USH2A: variants seen among roughly 807,000 people sequenced by gnomAD.
USH2A encodes the protein Usher syndrome 2A (autosomal recessive, mild).
USH2A carries 443 observed loss-of-function variants against 538.9 expected under a neutral mutation model. The observed-to-expected ratio is 0.82, with a 90% confidence interval of 0.76 to 0.89. USH2A has a LOEUF of 0.89. Among genes scored for constraint, USH2A ranks in the 40% least tolerant of loss-of-function variants. The pLI, the probability that USH2A is intolerant of heterozygous loss-of-function variation, is 0.00. For synonymous variants in USH2A, 2,413 were observed against 2,273.5 expected (o/e 1.06, Z -1.75); for missense variants, 6,633 against 6,324.8 (o/e 1.05, Z -1.65).
chr1:215,791,741 AG>A (rs1274134725), intron 50 of USH2A, among the ~76,000 whole-genome samples: 3 of 152,200 alleles, frequency 2.0e-5, no homozygotes, highest in African/African-American at 7.2e-5. Flanking sequence ...GGCTCATTTT[AG>A]TCTGAGTCTG....
At chr1:215,638,571 A>G (rs1656572861) in intron 69 of USH2A, among the ~76,000 whole-genome samples, 1 of 142,432 alleles carries the variant, frequency 7.0e-6, no homozygotes, top group Non-Finnish European at 1.5e-5. Context: ...GTGAGCTGAG[A>G]TTGCACCACT....
Position 215,774,585 on chromosome 1 carries a change from C to T in USH2A, c.10939+5258G>A, listed in dbSNP as rs569137056. Reference sequence around the variant, plus strand: ...TTCCTCTTTCAAGTTCAGTGTTATGCTAGACTGAGGATTCTTCTCTGCATT... The same window carrying T: ...TTCCTCTTTCAAGTTCAGTGTTATGTTAGACTGAGGATTCTTCTCTGCATT... On this transcript the variant is annotated intron_variant, in intron 55 of 71. Coordinates refer to ENST00000307340, the MANE Select transcript of USH2A (RefSeq NM_206933.4). Among the ~76,000 whole-genome samples the T allele has an allele frequency of 7.2e-5, 11 of 151,798 alleles. No homozygotes were observed. The South Asian group carries it at 2.3e-3, about 32-fold the overall frequency.
intron 64 of USH2A, among the ~76,000 whole-genome samples, chr1:215,665,383 T>A (rs1402459883): frequency 1.3e-5 from 2 of 152,126 alleles, no homozygotes; most frequent in Non-Finnish European, 2.9e-5. Context: ...ACCCTGAGTG[T>A]GCGTGGGTGC....
chr1:216,371,028 A>G lies in USH2A; in HGVS notation c.652-5943T>C, dbSNP rs2038704772. On this transcript the variant is annotated intron_variant, in intron 3 of 71. Transcript: ENST00000307340. ...TGGTGTTGTCCCCACTTTGCAAAGG[A>G]GGACACTCAGGCTAAACTGTGCTAG... Among the ~76,000 whole-genome samples the G allele has an allele frequency of 2.6e-5, 4 of 152,192 alleles. No homozygotes were observed. In the South Asian group the frequency reaches 8.3e-4, roughly 32 times the overall value.
intron 3 of USH2A, among the ~76,000 whole-genome samples, chr1:216,391,154 A>G (rs925219430): frequency 1.3e-5 from 2 of 152,190 alleles, no homozygotes; most frequent in Non-Finnish European, 2.9e-5. Context: ...GCAAGTGAAT[A>G]TGCTTAAGCT....
intron 21 of USH2A, 96 bp from the exon 22 acceptor site, chr1:216,097,309 T>C (rs2032464155): frequency 1.3e-6 from 2 of 1,598,034 alleles, no homozygotes; most frequent in Non-Finnish European, 1.7e-6. Flanking sequence ...TATGATGTAG[T>C]GAGTACAGTC....
intron 36 of USH2A, among the ~76,000 whole-genome samples, chr1:215,965,756 GTACATATCCATAGACCAATTC>G (rs952066566): frequency 4.9e-4 from 75 of 152,208 alleles, no homozygotes; most frequent in African/African-American, 1.7e-3. Flanking sequence ...GCCTATGGCT[GTACATATCCATAGACCAATTC>G]TAGGACTGCT....
At chr1:215,983,102 C>A (rs765196316) in intron 35 of USH2A, among the ~76,000 whole-genome samples, 1 of 152,118 alleles carries the variant, frequency 6.6e-6, no homozygotes, top group African/African-American at 2.4e-5. Context: ...AGGCACCTGC[C>A]ACCATGCCCA....
intron 61 of USH2A, among the ~76,000 whole-genome samples, chr1:215,705,335 A>G (rs1659154878): frequency 1.3e-5 from 2 of 152,152 alleles, no homozygotes; most frequent in African/African-American, 4.8e-5. Flanking sequence ...TTTTATTTTA[A>G]TGCCAAATCA....
intron 30 of USH2A, among the ~76,000 whole-genome samples, chr1:216,054,666 C>T (rs1425862709): frequency 6.6e-6 from 1 of 151,944 alleles, no homozygotes. Context: ...CTCCCTCCCC[C>T]ACCCCACCCC....
At chr1:215,814,924 C>A (rs1005802010) in intron 48 of USH2A, among the ~76,000 whole-genome samples, 1 of 152,118 alleles carries the variant, frequency 6.6e-6, no homozygotes, top group South Asian at 2.1e-4. Context: ...CCAGGTCTTA[C>A]GTTCACTGGG....
chr1:216,151,610 T>C (rs1031224594), intron 21 of USH2A, among the ~76,000 whole-genome samples: 2 of 152,168 alleles, frequency 1.3e-5, no homozygotes, highest in Non-Finnish European at 2.9e-5. Context: ...TCACAAACTT[T>C]ATCAGTCCTC....
rs1234105643 is a variant in USH2A, at chr1:216,253,063, T to C, written c.1972-1965A>G. On this transcript the variant is annotated intron_variant, in intron 11 of 71. Coordinates refer to ENST00000307340, the MANE Select transcript of USH2A (RefSeq NM_206933.4). The stretch of plus-strand genomic sequence containing the variant: ...AATCTTAAACATTACATGTAAACAA[T>C]ACTTTTTCAAAGAGCAAGGAAGTGT... Among the ~76,000 whole-genome samples, 4 of 152,122 alleles carry C rather than the reference T, an allele frequency of 2.6e-5. No homozygotes were observed. The East Asian group carries it at 5.8e-4, about 22-fold the overall frequency.
chr1:216,304,562 G>A (rs2037278763), intron 9 of USH2A, among the ~76,000 whole-genome samples: 1 of 151,564 alleles, frequency 6.6e-6, no homozygotes, highest in Non-Finnish European at 1.5e-5. Flanking sequence ...AATAAGAGTG[G>A]GTTTGGTTTT....
intron 11 of USH2A, among the ~76,000 whole-genome samples, chr1:216,267,689 C>A (rs2036502058): frequency 1.3e-5 from 2 of 152,060 alleles, no homozygotes; most frequent in South Asian, 4.1e-4. Flanking sequence ...CTCTCCTCAG[C>A]CATTTTACAG....
intron 60 of USH2A, among the ~76,000 whole-genome samples, chr1:215,739,712 C>T (rs951889574): frequency 1.3e-5 from 2 of 152,188 alleles, no homozygotes; most frequent in Non-Finnish European, 2.9e-5. Context: ...TTGGCTTGTT[C>T]ATTTTTGGTA....
intron 32 of USH2A, among the ~76,000 whole-genome samples, chr1:216,022,462 G>C (rs986578863): frequency 6.6e-6 from 1 of 152,150 alleles, no homozygotes; most frequent in Non-Finnish European, 1.5e-5. Flanking sequence ...ATCGGAGCCA[G>C]GTATGGTGCC....
At position 215,844,397 on chromosome 1, in the gene USH2A, T is replaced by C; in HGVS notation, c.9155A>G (p.Glu3052Gly). 4 of 1,613,744 alleles carry C rather than the reference T, an allele frequency of 2.5e-6. No homozygotes were observed. The highest frequency in any genetic ancestry group is 3.4e-6 in the Non-Finnish European group (4 of 1,179,874). ...SPSNPNGVVT[E>G]YSIYVNNKLY... ...CTTATTATTTACATAGATAGAATAC[T>C]CAGTGACAACACCATTTGGGTTTGA... The change falls in exon 46 of 72, where the codon GAG becomes GGG. Residue 3052 changes from glutamate (E) to glycine (G), a missense_variant. Physicochemically the swap from Glu to Gly is moderately conservative, Grantham distance 98 (BLOSUM62 -2). Transcript: ENST00000307340.
rs746221227 is a variant in USH2A at position 215,674,428 on chromosome 1, G to A, written c.13483C>T (p.Arg4495Cys). ...IVYTGLETRY[R>C]DFTLTPGVEY... ...ACACCTGGGGTGAGAGTAAAATCAC[G>A]ATAGCGTGTTTCCAAGCCTGTATAT... The change falls in exon 63 of 72, where the codon CGT (arginine) becomes TGT (cysteine). Residue 4495 changes from arginine to cysteine, a missense_variant. Arg to Cys is a radical substitution (Grantham distance 180, BLOSUM62 -3). Coordinates refer to ENST00000307340, the MANE Select transcript of USH2A (RefSeq NM_206933.4). 1.5e-5 allele frequency: 24 copies of A among 1,614,012 alleles called. No individual in the cohort carries two copies. In the East Asian group the frequency reaches 4.2e-4, roughly 28 times the overall value.
Sources: allele counts gnomAD v4.1 joint callset (sites outside exome capture counted in the v4.1 genomes callset), GRCh38; gene constraint gnomAD v4.1.1; transcripts MANE v1.5; gene names NCBI Gene and HGNC (gene_info 2026-07-23, HGNC 2026-07-21).